Variants in DNAH8 observed in about 807,000 individuals in gnomAD.
DNAH8 encodes axonemal beta dynein heavy chain 8.
DNAH8 carries 382 observed loss-of-function variants against 562.1 expected under a neutral mutation model. That is an observed-to-expected ratio of 0.68 (90% CI 0.63 to 0.74). DNAH8 has a LOEUF of 0.74. Ranked by LOEUF, DNAH8 falls within the 30% of genes least tolerant of loss-of-function variation. The pLI, the probability that DNAH8 is intolerant of heterozygous loss-of-function variation, is 0.00. For missense variants in DNAH8, 5,203 were observed against 5,620.4 expected, an observed-to-expected ratio of 0.93 and a Z score of 2.37; for synonymous variants, 1,881 against 1,919.4, an observed-to-expected ratio of 0.98 and a Z score of 0.52.
chr6:38,814,437 C>T (rs1464284034), intron 25 of DNAH8, among the ~76,000 whole-genome samples: 1 of 152,046 alleles, frequency 6.6e-6, no homozygotes, highest in Non-Finnish European at 1.5e-5. Context: ...AAAAATTAGC[C>T]AGTTGTGGTG....
intron 88 of DNAH8, among the ~76,000 whole-genome samples, chr6:39,000,774 C>G (rs536727279): frequency 1.3e-5 from 2 of 152,086 alleles, no homozygotes; most frequent in South Asian, 2.1e-4. Flanking sequence ...TGAATCATCC[C>G]GAAACTTTTC....
chr6:38,857,185 A>C (rs1379767940), intron 41 of DNAH8, among the ~76,000 whole-genome samples: 2 of 152,190 alleles, frequency 1.3e-5, no homozygotes, highest in African/African-American at 4.8e-5. Flanking sequence ...GCAGATAATA[A>C]AGAGTTCCTT....
chr6:38,871,440 C>T (rs1391651258), intron 49 of DNAH8, among the ~76,000 whole-genome samples: 1 of 152,070 alleles, frequency 6.6e-6, no homozygotes, highest in Non-Finnish European at 1.5e-5. Context: ...AAATTCTTGC[C>T]ATCTCAATGG....
chr6:38,923,851 C>A, intron 72 of DNAH8, 140 bp from the exon 73 acceptor site: 2 of 984,094 alleles, frequency 2.0e-6, no homozygotes, highest in Non-Finnish European at 3.0e-6. Flanking sequence ...TTTGCACGGT[C>A]TTTTTCCATG....
intron 12 of DNAH8, among the ~76,000 whole-genome samples, chr6:38,770,963 G>T (rs781572565): frequency 3.3e-5 from 5 of 152,184 alleles, no homozygotes; most frequent in Non-Finnish European, 5.9e-5. Context: ...AGTGTATATG[G>T]TGTATACAAA....
rs368420901 is a variant in DNAH8 at position 39,016,482 on chromosome 6, C to T, written c.13714+3845C>T. Among the ~76,000 whole-genome samples, 199 of 149,832 alleles carry T rather than the reference C, an allele frequency of 1.3e-3. 1 individual carries two copies. The highest frequency in any genetic ancestry group is 4.5e-3 in the African/African-American group (183 of 40,664). On this transcript the variant is annotated intron_variant, in intron 91 of 92. Coordinates refer to ENST00000327475, the MANE Select transcript of DNAH8 (RefSeq NM_001206927.2). ...AGGAGAATGGCGTGAACCTAGGAGG[C>T]GGAGCTTGCAGTGGGCCGAGATCGC... is the stretch of plus-strand genomic sequence containing the variant.
At chr6:38,914,311 GT>G (rs869139440) in intron 67 of DNAH8, among the ~76,000 whole-genome samples, 36 of 136,034 alleles carry the variant, frequency 2.6e-4, no homozygotes, top group African/African-American at 3.5e-4. Context: ...AGTTGGTAGA[GT>G]TTTTTTTTTT....
intron 5 of DNAH8, among the ~76,000 whole-genome samples, chr6:38,736,001 G>A (rs1185721293): frequency 6.6e-6 from 1 of 152,070 alleles, no homozygotes; most frequent in Admixed American, 6.6e-5. Context: ...AGCTGGGTGT[G>A]GTTGTGCACT....
chr6:38,770,875 A>G (rs75213225), intron 12 of DNAH8, among the ~76,000 whole-genome samples: 3 of 152,206 alleles, frequency 2.0e-5, no homozygotes, highest in African/African-American at 7.2e-5. Context: ...AAAGTATGAG[A>G]TGAAATACCT....
At chr6:38,991,022 C>T (rs537541913) in intron 88 of DNAH8, among the ~76,000 whole-genome samples, 1 of 152,354 alleles carries the variant, frequency 6.6e-6, no homozygotes, top group East Asian at 1.9e-4. Flanking sequence ...GGGCATTCCT[C>T]TCTCCTAGTC....
chr6:39,008,837 C>A lies in DNAH8; in HGVS notation c.13238C>A (p.Ala4413Asp), dbSNP rs775837101. The A allele has an allele frequency of 1.1e-5, 18 of 1,607,388 alleles. No individual in the cohort carries two copies. Among genetic ancestry groups the A allele is most frequent in the Non-Finnish European group, 1.4e-5 (16 of 1,174,424 alleles). The change falls in exon 89 of 93, where the codon GCT (alanine) becomes GAT (aspartate). Residue 4413 changes from alanine (A) to aspartate (D), a missense_variant. Ala to Asp is a moderately radical substitution (Grantham distance 126, BLOSUM62 -2). This residue lies in a region of DNAH8 where 1,399 missense variants were observed against 1,518.4 expected (regional missense o/e 0.92). Coordinates refer to ENST00000327475, the MANE Select transcript of DNAH8 (RefSeq NM_001206927.2). ...AGGTATCAGAGTAACACTGCTTCTG[C>A]TGTTCTTGAAACAATTACCAACATT... ...DITYQSNTAS[A>D]VLETITNIQP...
chr6:38,750,033 C>T (rs981567137), intron 8 of DNAH8, among the ~76,000 whole-genome samples: 9 of 152,140 alleles, frequency 5.9e-5, no homozygotes, highest in African/African-American at 1.7e-4. Flanking sequence ...GGGGTTTCAC[C>T]GTGTTAGCTA....
chr6:38,736,850 C>T (rs1026051404), intron 5 of DNAH8, among the ~76,000 whole-genome samples: 1 of 152,120 alleles, frequency 6.6e-6, no homozygotes, highest in African/African-American at 2.4e-5. Context: ...TCAAATGAAA[C>T]ATCACTTTGA....
At chr6:38,928,798 A>G (rs1782310312) in intron 74 of DNAH8, among the ~76,000 whole-genome samples, 1 of 152,144 alleles carries the variant, frequency 6.6e-6, no homozygotes, top group African/African-American at 2.4e-5. Context: ...ACAGTTAGGC[A>G]GGGGGAGGGA....
At chr6:38,726,482 T>C (rs939497476) in intron 3 of DNAH8, among the ~76,000 whole-genome samples, 2 of 152,230 alleles carry the variant, frequency 1.3e-5, no homozygotes, top group African/African-American at 4.8e-5. Flanking sequence ...GTCTCAGACT[T>C]TGGGTCCATG....
chr6:39,007,005 A>G (rs1561968443), intron 88 of DNAH8, among the ~76,000 whole-genome samples: 1 of 152,180 alleles, frequency 6.6e-6, no homozygotes, highest in Non-Finnish European at 1.5e-5. Context: ...TGATGCCCCC[A>G]GGGTAAAATC....
At chr6:38,889,128 T>C (rs551278763) in intron 57 of DNAH8, among the ~76,000 whole-genome samples, 8 of 152,342 alleles carry the variant, frequency 5.3e-5, no homozygotes, top group Middle Eastern at 3.4e-3. Context: ...AATCCAGATA[T>C]TTATCACTAG....
intron 88 of DNAH8, among the ~76,000 whole-genome samples, chr6:39,001,073 T>C (rs892739274): frequency 1.3e-5 from 2 of 152,140 alleles, no homozygotes; most frequent in East Asian, 1.9e-4. Flanking sequence ...CCAGGTCCAG[T>C]ATGCCTAAAG....
intron 77 of DNAH8, chr6:38,936,168 G>T (rs938038598): frequency 2.6e-5 from 4 of 152,220 alleles, no homozygotes; most frequent in African/African-American, 9.7e-5. Flanking sequence ...GGCCAACATG[G>T]TGAAACTCAA....
Sources: gnomAD v4.1 joint callset for allele counts (sites outside exome capture counted in the v4.1 genomes callset) on GRCh38, gnomAD v4.1.1 for gene constraint, gnomAD v4.1.1 regional missense constraint, MANE v1.5 for transcripts, NCBI Gene and HGNC (gene_info 2026-07-23, HGNC 2026-07-21) for gene names.